Variants in NDUFAF2 observed in about 807,000 individuals in gnomAD.
NDUFAF2 encodes NADH dehydrogenase [ubiquinone] 1 alpha subcomplex assembly factor 2.
Under a neutral mutation model 22.8 loss-of-function variants are expected in NDUFAF2, and 13 were observed. That is an observed-to-expected ratio of 0.57 (90% CI 0.37 to 0.91). The LOEUF is 0.91. Ranked by LOEUF, NDUFAF2 falls within the 40% of genes least tolerant of loss-of-function variation. The pLI, the probability that NDUFAF2 is intolerant of heterozygous loss-of-function variation, is 0.01. For synonymous variants in NDUFAF2, 53 were observed against 64.2 expected, an observed-to-expected ratio of 0.83 and a Z score of 0.84; for missense variants, 162 against 195.2, an observed-to-expected ratio of 0.83 and a Z score of 1.01.
intron 2 of NDUFAF2, 84 bp from the exon 3 acceptor site, chr5:61,098,908 G>T (rs1235243661): frequency 2.1e-6 from 2 of 945,352 alleles, no homozygotes; most frequent in East Asian, 2.5e-5. Context: ...TATGGAGTAG[G>T]TACTCAAAAA....
intron 1 of NDUFAF2, among the ~76,000 whole-genome samples, chr5:61,027,473 ATT>A (rs2112607555): frequency 6.6e-6 from 1 of 152,098 alleles, no homozygotes; most frequent in African/African-American, 2.4e-5. Flanking sequence ...AGTTAAATAT[ATT>A]TTGACTTTTT....
At chr5:60,963,772 A>G (rs988224464) in intron 1 of NDUFAF2, among the ~76,000 whole-genome samples, 4 of 152,230 alleles carry the variant, frequency 2.6e-5, no homozygotes, top group African/African-American at 4.8e-5. Flanking sequence ...GTCAAGAGAA[A>G]AGAAAAACTA....
chr5:61,055,532 T>G (rs776005141), intron 1 of NDUFAF2, among the ~76,000 whole-genome samples: 1 of 152,200 alleles, frequency 6.6e-6, no homozygotes, highest in Non-Finnish European at 1.5e-5. Flanking sequence ...AAGCCCAAAT[T>G]ATGCATTATC....
chr5:61,141,399 A>G (rs1277689359), intron 3 of NDUFAF2, among the ~76,000 whole-genome samples: 1 of 152,020 alleles, frequency 6.6e-6, no homozygotes, highest in Non-Finnish European at 1.5e-5. Flanking sequence ...GCACAGGGTA[A>G]AAGTTGTGTC....
At chr5:61,038,282 C>T (rs931103494) in intron 1 of NDUFAF2, among the ~76,000 whole-genome samples, 11 of 152,066 alleles carry the variant, frequency 7.2e-5, no homozygotes, top group African/African-American at 1.7e-4. Context: ...AAAAAGGCAA[C>T]ATAATGCCTA....
chr5:61,097,850 A>G, intron 2 of NDUFAF2, among the ~76,000 whole-genome samples: 1 of 152,242 alleles, frequency 6.6e-6, no homozygotes, highest in Non-Finnish European at 1.5e-5. Flanking sequence ...AGACAGGGTC[A>G]GATCTGAATT....
intron 1 of NDUFAF2, among the ~76,000 whole-genome samples, chr5:61,024,692 T>C (rs1751628190): frequency 1.3e-5 from 2 of 152,140 alleles, no homozygotes; most frequent in Non-Finnish European, 2.9e-5. Context: ...CATTATACTG[T>C]AGCTTTTATA....
chr5:61,026,807 T>G (rs1751655904), intron 1 of NDUFAF2, among the ~76,000 whole-genome samples: 1 of 151,950 alleles, frequency 6.6e-6, no homozygotes, highest in Admixed American at 6.6e-5. Context: ...TTTAGCAAAA[T>G]GTACAAAAAG....
chr5:61,044,559 C>G (rs1751923113), intron 1 of NDUFAF2, among the ~76,000 whole-genome samples: 1 of 151,970 alleles, frequency 6.6e-6, no homozygotes, highest in African/African-American at 2.4e-5. Context: ...CCAGTTTTTC[C>G]AACACCAATT....
chr5:61,088,343 A>C (rs1280038543), intron 2 of NDUFAF2, among the ~76,000 whole-genome samples: 1 of 151,984 alleles, frequency 6.6e-6, no homozygotes, highest in African/African-American at 2.4e-5. Flanking sequence ...TCCTACCCTC[A>C]TTCAAGGAGA....
At chr5:60,957,457 G>A (rs371325047) in intron 1 of NDUFAF2, among the ~76,000 whole-genome samples, 9 of 151,020 alleles carry the variant, frequency 6.0e-5, no homozygotes, top group South Asian at 2.1e-4. Flanking sequence ...CTTGGTTATC[G>A]TATAATGTTA....
chr5:61,070,664 T>C (rs1308675155), intron 1 of NDUFAF2, among the ~76,000 whole-genome samples: 1 of 151,734 alleles, frequency 6.6e-6, no homozygotes, highest in East Asian at 1.9e-4. Context: ...TAACTTTTGA[T>C]TTTTTAAATC....
intron 1 of NDUFAF2, among the ~76,000 whole-genome samples, chr5:60,982,163 AGGTAC>A (rs1750992485): frequency 6.6e-6 from 1 of 152,176 alleles, no homozygotes; most frequent in African/African-American, 2.4e-5. Flanking sequence ...GTAAATGAAA[AGGTAC>A]TCACGATCAC....
Position 60,981,970 on chromosome 5 carries a change from T to C in NDUFAF2, c.127+36588T>C, listed in dbSNP as rs546565954. Among the ~76,000 whole-genome samples, 234 of 152,282 alleles carry C rather than the reference T, an allele frequency of 1.5e-3. 2 individuals carry two copies. The highest frequency in any genetic ancestry group is 0.014 in the Middle Eastern group (4 of 294). ...ATGAAATAAAAATAGACTGAAGACT[T>C]AAATATAAGAATTCAGACTGTAAGT... On this transcript the variant is annotated intron_variant, in intron 1 of 3. Transcript: ENST00000296597.
chr5:60,991,905 T>C (rs1751163236), intron 1 of NDUFAF2, among the ~76,000 whole-genome samples: 1 of 152,204 alleles, frequency 6.6e-6, no homozygotes, highest in African/African-American at 2.4e-5. Context: ...CTAATTCACA[T>C]TCCCACCAAC....
At chr5:61,072,421 G>A (rs1216144752) in intron 1 of NDUFAF2, among the ~76,000 whole-genome samples, 1 of 152,044 alleles carries the variant, frequency 6.6e-6, no homozygotes, top group East Asian at 1.9e-4. Flanking sequence ...AATGAATATC[G>A]ATTTTCTTGG....
chr5:61,138,335 G>C (rs1210115563), intron 3 of NDUFAF2, among the ~76,000 whole-genome samples: 1 of 152,190 alleles, frequency 6.6e-6, no homozygotes, highest in East Asian at 1.9e-4. Flanking sequence ...GATAAATTTT[G>C]AAGGAAGAAT....
chr5:61,067,606 G>C (rs1175072751), intron 1 of NDUFAF2, among the ~76,000 whole-genome samples: 2 of 152,042 alleles, frequency 1.3e-5, no homozygotes, highest in Non-Finnish European at 2.9e-5. Flanking sequence ...TGTGAGTAGT[G>C]CCACAATAAA....
chr5:61,108,597 G>A (rs1199103743), intron 3 of NDUFAF2, among the ~76,000 whole-genome samples: 1 of 148,446 alleles, frequency 6.7e-6, no homozygotes, highest in Non-Finnish European at 1.5e-5. Context: ...CATAGTTTGA[G>A]GTCTTAAAGT....
Sources: gnomAD v4.1 joint callset for allele counts (sites outside exome capture counted in the v4.1 genomes callset) on GRCh38, gnomAD v4.1.1 for gene constraint, MANE v1.5 for transcripts, NCBI Gene and HGNC (gene_info 2026-07-23, HGNC 2026-07-21) for gene names.